The following LRRC20 variants were observed in gnomAD, a reference collection of about 807,000 sequenced individuals.
LRRC20 encodes leucine-rich repeat-containing protein 20.
A neutral mutation model predicts 14.4 loss-of-function variants in LRRC20; 11 were observed. The observed-to-expected ratio is 0.77, with a 90% CI of 0.48 to 1.27. The LOEUF (loss-of-function observed/expected upper bound fraction) is 1.27, where lower values mean the gene tolerates loss of function less well. Ranked by LOEUF, LRRC20 falls within the 50% of genes most tolerant of loss-of-function variation. The pLI is 0.00. For missense variants in LRRC20, 219 were observed against 251.2 expected (o/e 0.87, Z 0.87); for synonymous variants, 121 against 107.3 (o/e 1.13, Z -0.79).
Position 70,300,907 on chromosome 10 carries a change from A to T in LRRC20, c.*447T>A. 1.0e-6 allele frequency: 1 copy of T among 989,946 alleles called. No individual in the cohort carries two copies. Among genetic ancestry groups the T allele is most frequent in the Non-Finnish European group, 1.2e-6 (1 of 833,134 alleles). 61.3% of individuals were successfully genotyped at this position (989,946 alleles called of 1,614,324 possible). The stretch of plus-strand genomic sequence containing the variant: ...GGAGGTTGTCTTCTCTTCTCAGGGC[A>T]GCAACTGGCTCTCAGCACTAAAAAC... On this transcript the variant is annotated 3_prime_UTR_variant, in exon 5 of 5. Transcript: ENST00000446961.
chr10:70,373,938 C>T (rs1564649084), intron 2 of LRRC20, among the ~76,000 whole-genome samples: 1 of 152,192 alleles, frequency 6.6e-6, no homozygotes, highest in Non-Finnish European at 1.5e-5. Flanking sequence ...CCCTAGCCGC[C>T]CTGCACACTT....
chr10:70,315,631 C>A (rs1841823034), intron 4 of LRRC20, among the ~76,000 whole-genome samples: 1 of 152,110 alleles, frequency 6.6e-6, no homozygotes, highest in Non-Finnish European at 1.5e-5. Context: ...TTTTTCAGAT[C>A]CCCAATTTCA....
chr10:70,346,291 G>A (rs1843070888), intron 2 of LRRC20, among the ~76,000 whole-genome samples: 2 of 152,198 alleles, frequency 1.3e-5, no homozygotes, highest in African/African-American at 4.8e-5. Context: ...TGGTGCCTGT[G>A]TGTAGTTCCA....
Position 70,301,208 on chromosome 10 carries a change from C to A in LRRC20, c.*146G>T. 2.8e-6 allele frequency: 4 copies of A among 1,436,852 alleles called. No individual in the cohort carries two copies. The highest frequency in any genetic ancestry group is 3.6e-6 in the Non-Finnish European group (4 of 1,099,942). The allele number at this position is 1,436,852 out of a possible 1,614,324, so 89.0% of individuals were successfully genotyped here. ...CCCACTACTGCTGTAAGCTATCTAT[C>A]CAGACCAGCTGCACCCCACCCACCA... On this transcript the variant is annotated 3_prime_UTR_variant, in exon 5 of 5. Transcript: ENST00000446961.
At chr10:70,355,208 A>G (rs898255963) in intron 2 of LRRC20, among the ~76,000 whole-genome samples, 1 of 152,236 alleles carries the variant, frequency 6.6e-6, no homozygotes, top group African/African-American at 2.4e-5. Context: ...ACTGGGCACA[A>G]TTAGGCATCA....
intron 3 of LRRC20, among the ~76,000 whole-genome samples, chr10:70,335,753 C>T (rs1031912525): frequency 6.6e-6 from 1 of 152,246 alleles, no homozygotes; most frequent in African/African-American, 2.4e-5. Context: ...CTCTGTAACA[C>T]TCAGTCTTCT....
intron 2 of LRRC20, among the ~76,000 whole-genome samples, chr10:70,372,599 G>A (rs1001767515): frequency 4.0e-5 from 6 of 151,742 alleles, no homozygotes; most frequent in African/African-American, 9.7e-5. Flanking sequence ...CCGCCACCAC[G>A]CCCGGCTAAT....
chr10:70,371,343 C>T (rs1187453257), intron 2 of LRRC20, among the ~76,000 whole-genome samples: 1 of 151,834 alleles, frequency 6.6e-6, no homozygotes, highest in East Asian at 1.9e-4. Flanking sequence ...AGGGTCTCTA[C>T]CAAAAATATA....
chr10:70,308,933 T>C (rs1038754031), intron 4 of LRRC20, among the ~76,000 whole-genome samples: 1 of 152,128 alleles, frequency 6.6e-6, no homozygotes, highest in Non-Finnish European at 1.5e-5. Context: ...TCTTGCTGGG[T>C]GTGGGGGCTA....
At chr10:70,314,574 C>T (rs1441733090) in intron 4 of LRRC20, among the ~76,000 whole-genome samples, 2 of 152,076 alleles carry the variant, frequency 1.3e-5, no homozygotes, top group Non-Finnish European at 1.5e-5. Context: ...AATCATGAAG[C>T]CCGAATCCCA....
At chr10:70,371,544 G>A (rs1844271917) in intron 2 of LRRC20, among the ~76,000 whole-genome samples, 1 of 152,050 alleles carries the variant, frequency 6.6e-6, no homozygotes, top group South Asian at 2.1e-4. Context: ...GCGGGGTGCA[G>A]GGAAGCCTGG....
chr10:70,370,539 TA>T (rs1844226312), intron 2 of LRRC20, among the ~76,000 whole-genome samples: 1 of 151,980 alleles, frequency 6.6e-6, no homozygotes, highest in Non-Finnish European at 1.5e-5. Context: ...AGTTCAAGAC[TA>T]GCCTGGCTAA....
In LRRC20 at chr10:70,324,034, C is replaced by T. The variant is rs202164904; in HGVS notation, c.233-4G>A. 2.5e-6 allele frequency: 4 copies of T among 1,613,684 alleles called. No individual in the cohort carries two copies. The highest frequency in any genetic ancestry group is 1.1e-5 in the South Asian group (1 of 91,086). On this transcript the variant is annotated splice_region_variant and splice_polypyrimidine_tract_variant and intron_variant, in intron 3 of 4. Transcript: ENST00000446961. ...AAGTTCCCCTCCAGGTGGAGCTCTG[C>T]CACGTGCAGGGAAGGAGAGAGAACA...
chr10:70,366,139 G>A (rs116714445), intron 2 of LRRC20, among the ~76,000 whole-genome samples: 2,927 of 150,814 alleles, frequency 0.019, 88 homozygotes, highest in African/African-American at 0.067. Context: ...GTTGTACAAC[G>A]TCGGCCAGGA....
At chr10:70,340,483 C>A in intron 3 of LRRC20, 70 bp downstream of exon 3, 1 of 1,589,064 alleles carries the variant, frequency 6.3e-7, no homozygotes, top group African/African-American at 1.3e-5. Context: ...GTGGCACTCC[C>A]CAGACAGGGT....
At chr10:70,379,197 G>C (rs1844616663) in intron 1 of LRRC20, among the ~76,000 whole-genome samples, 2 of 152,198 alleles carry the variant, frequency 1.3e-5, no homozygotes, top group Admixed American at 6.5e-5. Flanking sequence ...GCCTAATAGT[G>C]CCAGGTGGCC....
At chr10:70,327,106 A>C (rs1253201460) in intron 3 of LRRC20, among the ~76,000 whole-genome samples, 1 of 152,114 alleles carries the variant, frequency 6.6e-6, no homozygotes, top group Non-Finnish European at 1.5e-5. Flanking sequence ...CCCTGTCTGC[A>C]GTCTTGGGGG....
Position 70,324,014 on chromosome 10 carries a change from C to A in LRRC20, c.249G>T (p.Gly83=). The A allele has an allele frequency of 6.2e-7, 1 of 1,614,024 alleles. No individual in the cohort carries two copies. Among genetic ancestry groups the A allele is most frequent in the African/African-American group, 1.3e-5 (1 of 75,050 alleles). The change falls in exon 4 of 5, where the codon GGG becomes GGT. Residue 83 remains glycine (G), a synonymous_variant. Coordinates refer to ENST00000446961, the MANE Select transcript of LRRC20 (RefSeq NM_001278212.2). Reference sequence around the variant, plus strand: ...CGCTGGGGAGGCGGTGTAGGAAGTTCCCCTCCAGGTGGAGCTCTGCCACGT... The same window carrying A: ...CGCTGGGGAGGCGGTGTAGGAAGTTACCCTCCAGGTGGAGCTCTGCCACGT... ...FSQLRELHLE[G]NFLHRLPSEV... is the part of the protein sequence containing the mutation.
intron 2 of LRRC20, among the ~76,000 whole-genome samples, chr10:70,373,556 C>T (rs1371390545): frequency 6.6e-6 from 1 of 152,208 alleles, no homozygotes; most frequent in African/African-American, 2.4e-5. Flanking sequence ...CAGGTGCCTA[C>T]TATGGCCAGG....
Sources: allele counts gnomAD v4.1 joint callset (sites outside exome capture counted in the v4.1 genomes callset), GRCh38; gene constraint gnomAD v4.1.1; transcripts MANE v1.5; gene names NCBI Gene and HGNC (gene_info 2026-07-23, HGNC 2026-07-21).